LTN1: variants seen among roughly 807,000 people sequenced by gnomAD.
LTN1 encodes listerin E3 ubiquitin protein ligase 1.
Under a neutral mutation model 201.2 loss-of-function variants are expected in LTN1, and 88 were observed. The ratio of observed to expected loss-of-function variants is 0.44; its 90% CI spans 0.37 to 0.52. The LOEUF (loss-of-function observed/expected upper bound fraction) is 0.52. Ranked by LOEUF, LTN1 falls within the 20% of genes least tolerant of loss-of-function variation. LTN1 has a pLI of 0.00. For synonymous variants in LTN1, 645 were observed against 713.5 expected (o/e 0.90, Z 1.53); for missense variants, 1,752 against 2,038.7 (o/e 0.86, Z 2.71).
intron 25 of LTN1, among the ~76,000 whole-genome samples, chr21:28,938,501 A>G (rs1005494606): frequency 6.6e-6 from 1 of 152,244 alleles, no homozygotes; most frequent in African/African-American, 2.4e-5. Context: ...AGAGATTTTT[A>G]AAAAATTAAT....
chr21:28,943,085 G>A (rs2084309667), intron 24 of LTN1, among the ~76,000 whole-genome samples, 177 bp downstream of exon 24: 1 of 152,158 alleles, frequency 6.6e-6, no homozygotes. Flanking sequence ...TTAAGAGAGT[G>A]ACACAATCTT....
chr21:28,942,110 G>A (rs978132978), intron 24 of LTN1, among the ~76,000 whole-genome samples: 8 of 152,006 alleles, frequency 5.3e-5, no homozygotes, highest in South Asian at 2.1e-4. Context: ...TTCTGTGATC[G>A]TTCTTCCCTT....
rs10608923 is a variant in LTN1, at chr21:28,931,066, G to GGTGTGT, written c.5238+83_5238+88dup. 769 of 578,602 alleles carry GGTGTGT rather than the reference G, an allele frequency of 1.3e-3. 1 individual carries two copies. The highest frequency in any genetic ancestry group is 6.9e-3 in the Middle Eastern group (21 of 3,048). 35.8% of individuals were successfully genotyped at this position (578,602 alleles called of 1,614,324 possible). A position where few individuals can be genotyped will look rare whatever the true frequency, so the allele number is the denominator to read the frequency against. On this transcript the variant is annotated intron_variant, in intron 29 of 29. Transcript: ENST00000361371. ...CTCTTCCGAAGTTAGACATTGTGTA[G>GGTGTGT]GTGTGTGTGTGTGTGTGTGTGTGTG... is the stretch of plus-strand genomic sequence containing the variant.
chr21:28,971,785 A>G (rs1184929239), intron 6 of LTN1, among the ~76,000 whole-genome samples: 2 of 152,200 alleles, frequency 1.3e-5, no homozygotes, highest in African/African-American at 4.8e-5. Flanking sequence ...GAAATAAAAG[A>G]TCTGAGACTT....
At chr21:28,938,935 C>G (rs1410278123) in intron 25 of LTN1, among the ~76,000 whole-genome samples, 1 of 152,076 alleles carries the variant, frequency 6.6e-6, no homozygotes, top group Non-Finnish European at 1.5e-5. Flanking sequence ...TGATTGCTAT[C>G]AATTACAATG....
At chr21:28,958,263 G>A in intron 14 of LTN1, 123 bp downstream of exon 14, 1 of 870,808 alleles carries the variant, frequency 1.1e-6, no homozygotes, top group South Asian at 2.0e-5. Flanking sequence ...CTGAGTAGCT[G>A]GGATTATAGG....
At chr21:28,953,961 A>AG (rs769884377) in intron 16 of LTN1, among the ~76,000 whole-genome samples, 1 of 152,204 alleles carries the variant, frequency 6.6e-6, no homozygotes, top group African/African-American at 2.4e-5. Flanking sequence ...ACACAGTCAC[A>AG]GCTCCCTTTT....
chr21:28,960,748 A>G (rs2084470856), intron 11 of LTN1, 42 bp from the exon 12 acceptor site: 3 of 1,370,830 alleles, frequency 2.2e-6, no homozygotes, highest in Non-Finnish European at 2.1e-6. Context: ...AGCAAGATCA[A>G]ATACTCTCTC....
intron 15 of LTN1, 117 bp downstream of exon 15, chr21:28,957,215 A>G: frequency 9.2e-7 from 1 of 1,081,200 alleles, no homozygotes; most frequent in Non-Finnish European, 1.3e-6. Flanking sequence ...CAAAGACATC[A>G]AAGCAAAGCA....
In LTN1 at chr21:28,955,700, G is replaced by A. The variant is rs951975334; in HGVS notation, c.3079+1062C>T. ...AGCACTTTGGGAGGCTGAGACGGGC[G>A]GATCACGAGGTCAGGAGTTCAAGAC... On this transcript the variant is annotated intron_variant, in intron 16 of 29. Coordinates refer to ENST00000361371, the MANE Select transcript of LTN1 (RefSeq NM_015565.3). Among the ~76,000 whole-genome samples the A allele has an allele frequency of 1.1e-4, 17 of 151,880 alleles. No individual in the cohort carries two copies. In the South Asian group the frequency reaches 1.9e-3, roughly 17 times the overall value.
intron 4 of LTN1, among the ~76,000 whole-genome samples, chr21:28,984,368 CGA>C (rs1461302169): frequency 2.0e-5 from 3 of 151,482 alleles, no homozygotes; most frequent in African/African-American, 7.3e-5. Flanking sequence ...TATGGAAACA[CGA>C]GAGAAAATAA....
Position 28,965,897 on chromosome 21 carries a change from T to C in LTN1, c.2131A>G (p.Lys711Glu). The change falls in exon 11 of 30, where the codon AAA (lysine) becomes GAA (glutamate). Residue 711 changes from lysine (K) to glutamate (E), a missense_variant. Lys to Glu is a moderately conservative substitution (Grantham distance 56). Transcript: ENST00000361371. Reference protein sequence around the residue: ...VLDDLTKVDLKWNSLLKIIEK... With the variant: ...VLDDLTKVDLEWNSLLKIIEK... ...ATAATCTTAAGAAGAGAATTCCATT[T>C]CAAGTCCACCTGAAAAAAGAAAAAG... 6.5e-7 allele frequency: 1 copy of C among 1,528,510 alleles called. No individual in the cohort carries two copies. The highest frequency in any genetic ancestry group is 8.9e-7 in the Non-Finnish European group (1 of 1,118,140). 94.7% of individuals were successfully genotyped at this position (1,528,510 alleles called of 1,614,324 possible).
intron 5 of LTN1, among the ~76,000 whole-genome samples, chr21:28,982,037 A>G (rs2084662751): frequency 6.6e-6 from 1 of 152,224 alleles, no homozygotes; most frequent in Admixed American, 6.5e-5. Flanking sequence ...CAACATGGTG[A>G]AACCCCATCT....
chr21:28,984,840 T>A lies in LTN1; in HGVS notation c.428A>T (p.Tyr143Phe). ...ILKVKKQLAP[Y>F]LKSLMGYWLM... Reference sequence around the variant, plus strand: ...CCAATATCCCATTAAACTTTTTAAGTAGGGAGCCAACTGTTTCTTTACTTT... The same window carrying A: ...CCAATATCCCATTAAACTTTTTAAGAAGGGAGCCAACTGTTTCTTTACTTT... Residue 143 changes from tyrosine to phenylalanine, a missense_variant, in exon 4 of 30, where the codon TAC becomes TTC. Around this residue, in one of 3 missense-constraint regions of LTN1, gnomAD observed 280 missense variants for 375.7 expected, o/e 0.75. Transcript: ENST00000361371. 6.2e-7 allele frequency: 1 copy of A among 1,614,134 alleles called. No individual in the cohort carries two copies. Among genetic ancestry groups the A allele is most frequent in the Non-Finnish European group, 8.5e-7 (1 of 1,179,992 alleles).
intron 25 of LTN1, among the ~76,000 whole-genome samples, chr21:28,936,979 T>C (rs1296195021): frequency 3.3e-5 from 5 of 152,172 alleles, no homozygotes; most frequent in Admixed American, 6.5e-5. Flanking sequence ...TTCCACACCA[T>C]TGCCCTTAAC....
intron 1 of LTN1, among the ~76,000 whole-genome samples, chr21:28,988,714 C>A (rs555272061): frequency 2.5e-4 from 38 of 151,670 alleles, no homozygotes; most frequent in Non-Finnish European, 2.8e-4. Context: ...CGTCTGTAAT[C>A]CCAGCACTTC....
rs376640028 is a variant in LTN1, at chr21:28,931,224, G to A, written c.5169C>T (p.His1723=). 20 of 1,612,678 alleles carry A rather than the reference G, an allele frequency of 1.2e-5. 1 individual carries two copies. The highest frequency in any genetic ancestry group is 1.2e-4 in the South Asian group (11 of 91,046). Residue 1723 remains histidine, a synonymous_variant, in exon 29 of 30, where the codon CAC becomes CAT. Coordinates refer to ENST00000361371, the MANE Select transcript of LTN1 (RefSeq NM_015565.3). ...TTTTGGGAAGGGAATAGTTGAAACC[G>A]TGAATGACTGAGAAACAGATCATGC... The part of the protein sequence containing the change: ...EDCMICFSVI[H]GFNYSLPKKA...
chr21:28,958,609 A>C, intron 13 of LTN1, 70 bp from the exon 14 acceptor site: 1 of 1,145,056 alleles, frequency 8.7e-7, no homozygotes, highest in South Asian at 1.5e-5. Flanking sequence ...AAATGTTTGA[A>C]ACAACTCTAC....
At chr21:28,935,377 G>T in intron 26 of LTN1, 48 bp from the exon 27 acceptor site, 1 of 1,101,244 alleles carries the variant, frequency 9.1e-7, no homozygotes, top group South Asian at 1.3e-5. Flanking sequence ...TTCTTATATA[G>T]AATAACAGAC....
Sources: allele counts gnomAD v4.1 joint callset (sites outside exome capture counted in the v4.1 genomes callset), GRCh38; gene constraint gnomAD v4.1.1; regional missense constraint gnomAD v4.1.1; transcripts MANE v1.5; gene names NCBI Gene and HGNC (gene_info 2026-07-23, HGNC 2026-07-21).